FRMD4B: variants seen among roughly 807,000 people sequenced by gnomAD.
The protein encoded by FRMD4B is FERM domain containing 4B, also known as FERM domain-containing protein 4B.
A neutral mutation model predicts 141.5 loss-of-function variants in FRMD4B; 74 were observed. That is an observed-to-expected ratio of 0.52 (90% confidence interval 0.43 to 0.63). The LOEUF (loss-of-function observed/expected upper bound fraction) is 0.63. FRMD4B is among the 30% of genes least tolerant of loss of function. FRMD4B has a pLI of 0.00. For synonymous variants in FRMD4B, 506 were observed against 467.9 expected (o/e 1.08, Z -1.05); for missense variants, 1,366 against 1,253.4 (o/e 1.09, Z -1.36).
In FRMD4B at chr3:69,287,980, C is replaced by T. The variant is rs530336385; in HGVS notation, c.417-144G>A. The T allele has an allele frequency of 1.0e-4, 59 of 583,876 alleles. 2 individuals carry two copies. Among genetic ancestry groups the T allele is most frequent in the South Asian group, 8.5e-4 (39 of 45,772 alleles). The allele number at this position is 583,876 out of a possible 1,614,324, so 36.2% of individuals were successfully genotyped here. On this transcript the variant is annotated intron_variant, in intron 4 of 22. Transcript: ENST00000398540. ...TCTTTTCCGTTTTAAAAGAAATATGCACCGCACGTATTTATGTGATGGATG... is the reference window on the plus strand; with the variant it reads ...TCTTTTCCGTTTTAAAAGAAATATGTACCGCACGTATTTATGTGATGGATG...
chr3:69,237,184 G>GAGGAAT (rs2093350688), intron 7 of FRMD4B, among the ~76,000 whole-genome samples: 2 of 152,020 alleles, frequency 1.3e-5, no homozygotes, highest in African/African-American at 4.8e-5. Context: ...AGAGGAGGAA[G>GAGGAAT]AGGAGAGAAT....
At chr3:69,299,835 A>G (rs758415775) in intron 4 of FRMD4B, among the ~76,000 whole-genome samples, 1 of 152,060 alleles carries the variant, frequency 6.6e-6, no homozygotes, top group Admixed American at 6.5e-5. Context: ...CTCGGTGTCC[A>G]TGAATGAGGG....
chr3:69,383,174 C>T (rs1704159775), intron 1 of FRMD4B, among the ~76,000 whole-genome samples: 1 of 152,014 alleles, frequency 6.6e-6, no homozygotes, highest in South Asian at 2.1e-4. Context: ...ATTAACTTAC[C>T]CACGGTCATA....
At chr3:69,318,067 G>A (rs530675365) in intron 1 of FRMD4B, among the ~76,000 whole-genome samples, 2 of 152,222 alleles carry the variant, frequency 1.3e-5, no homozygotes, top group East Asian at 3.9e-4. Context: ...GACCTCCTGG[G>A]CTCAAGTGAT....
rs1266234624 is a variant in FRMD4B, at chr3:69,187,847, G to A, written c.1842C>T (p.Pro614=). ...GGATTCGCTCAATACCAAGAGACTT[G>A]GGGGGAAGAATTCTTGGAGAATGAG... ...SVPHSPRILP[P]KSLGIERIHF... is the part of the protein sequence containing the mutation. Residue 614 remains proline (P), a synonymous_variant, in exon 19 of 23, where the codon CCC becomes CCT. Coordinates refer to ENST00000398540, the MANE Select transcript of FRMD4B (RefSeq NM_015123.3). The A allele has an allele frequency of 1.9e-6, 3 of 1,610,230 alleles. No homozygotes were observed. Among genetic ancestry groups the A allele is most frequent in the African/African-American group, 2.7e-5 (2 of 74,930 alleles).
intron 1 of FRMD4B, among the ~76,000 whole-genome samples, chr3:69,497,067 C>G (rs1248062855): frequency 6.6e-6 from 1 of 151,990 alleles, no homozygotes; most frequent in Non-Finnish European, 1.5e-5. Context: ...CTGTGGAAAG[C>G]AATGACATAT....
At chr3:69,459,443 T>TAC (rs1360542837) in intron 1 of FRMD4B, among the ~76,000 whole-genome samples, 2 of 152,246 alleles carry the variant, frequency 1.3e-5, no homozygotes, top group African/African-American at 2.4e-5. Flanking sequence ...TAGATATATG[T>TAC]ACACCTTAAT....
chr3:69,355,705 C>T (rs115990102), intron 1 of FRMD4B, among the ~76,000 whole-genome samples: 2,257 of 152,168 alleles, frequency 0.015, 63 homozygotes, highest in African/African-American at 0.049. Context: ...TGTGAGAACA[C>T]ATAGAGATGG....
At chr3:69,282,625 C>T (rs1234936210) in intron 5 of FRMD4B, among the ~76,000 whole-genome samples, 1 of 152,114 alleles carries the variant, frequency 6.6e-6, no homozygotes, top group African/African-American at 2.4e-5. Context: ...GAATTTGTTA[C>T]CAGCCATCTA....
chr3:69,375,643 G>T (rs1703952904), intron 1 of FRMD4B, among the ~76,000 whole-genome samples: 1 of 88,186 alleles, frequency 1.1e-5, no homozygotes, highest in Non-Finnish European at 2.2e-5. Flanking sequence ...TGAAAAAATT[G>T]TATCTTTATG....
At chr3:69,297,752 T>C (rs1195017817) in intron 4 of FRMD4B, among the ~76,000 whole-genome samples, 1 of 152,176 alleles carries the variant, frequency 6.6e-6, no homozygotes, top group Admixed American at 6.5e-5. Flanking sequence ...GGCAGCCAGA[T>C]AACAACCCCC....
intron 5 of FRMD4B, among the ~76,000 whole-genome samples, chr3:69,261,439 T>G (rs538950900): frequency 3.1e-4 from 47 of 152,344 alleles, no homozygotes; most frequent in South Asian, 1.2e-3. Flanking sequence ...TTATAACCAA[T>G]GTCTCACCAA....
intron 1 of FRMD4B, among the ~76,000 whole-genome samples, chr3:69,522,364 C>T (rs1467190841): frequency 2.0e-5 from 3 of 151,904 alleles, no homozygotes; most frequent in Non-Finnish European, 2.9e-5. Flanking sequence ...CAGATGAGGG[C>T]AAAAAGTCAG....
chr3:69,231,682 T>A (rs1192765981), intron 7 of FRMD4B, among the ~76,000 whole-genome samples: 1 of 152,240 alleles, frequency 6.6e-6, no homozygotes, highest in Non-Finnish European at 1.5e-5. Context: ...GAATCAAGTA[T>A]GGCCAGTTGA....
At chr3:69,536,896 G>A (rs1701095755) in intron 1 of FRMD4B, among the ~76,000 whole-genome samples, 1 of 152,050 alleles carries the variant, frequency 6.6e-6, no homozygotes, top group Admixed American at 6.5e-5. Flanking sequence ...ACAGGAATGT[G>A]CCACCACACC....
intron 5 of FRMD4B, among the ~76,000 whole-genome samples, chr3:69,276,939 T>C (rs1403906867): frequency 6.6e-6 from 1 of 152,192 alleles, no homozygotes; most frequent in Non-Finnish European, 1.5e-5. Flanking sequence ...CACTCCAGCC[T>C]GGGCGACAGA....
intron 1 of FRMD4B, among the ~76,000 whole-genome samples, chr3:69,503,798 TG>T (rs1460777169): frequency 7.9e-5 from 12 of 152,156 alleles, no homozygotes; most frequent in African/African-American, 2.9e-4. Flanking sequence ...AGTTAGTATT[TG>T]TTACCGGGCA....
At chr3:69,505,048 A>T (rs1376930168) in intron 1 of FRMD4B, among the ~76,000 whole-genome samples, 1 of 151,468 alleles carries the variant, frequency 6.6e-6, no homozygotes, top group Non-Finnish European at 1.5e-5. Context: ...GATATCAGAG[A>T]CTCTGATGGA....
chr3:69,397,254 C>T (rs1302855210), intron 2 of FRMD4B, among the ~76,000 whole-genome samples: 1 of 151,936 alleles, frequency 6.6e-6, no homozygotes, highest in Non-Finnish European at 1.5e-5. Flanking sequence ...TAAAAGAAGC[C>T]AAACAAAAAG....
Sources: gnomAD v4.1 joint callset for allele counts (sites outside exome capture counted in the v4.1 genomes callset) on GRCh38, gnomAD v4.1.1 for gene constraint, MANE v1.5 for transcripts, NCBI Gene and HGNC (gene_info 2026-07-23, HGNC 2026-07-21) for gene names.